Variants in TET2 observed in about 807,000 individuals in gnomAD.
TET2 encodes methylcytosine dioxygenase TET2.
Under a neutral mutation model 142.9 loss-of-function variants are expected in TET2, and 299 were observed. The ratio of observed to expected loss-of-function variants is 2.09; its 90% confidence interval spans 1.90 to 2.30. The LOEUF is 2.30. Among genes scored for constraint, TET2 ranks in the 30% most tolerant of loss-of-function variants. The pLI, the probability that TET2 is intolerant of heterozygous loss-of-function variation, is 0.00. For synonymous variants in TET2, 819 were observed against 849.0 expected, an observed-to-expected ratio of 0.96 and a Z score of 0.61; for missense variants, 2,418 against 2,378.0, an observed-to-expected ratio of 1.02 and a Z score of -0.35.
chr4:105,190,500 C>T lies in TET2; in HGVS notation c.-52C>T, dbSNP rs1030494387. 3 of 701,962 alleles carry T rather than the reference C, an allele frequency of 4.3e-6. No homozygotes were observed. The African/African-American group carries it at 5.2e-5, about 12-fold the overall frequency. 43.5% of individuals were successfully genotyped at this position (701,962 alleles called of 1,614,324 possible). On this transcript the variant is annotated 5_prime_UTR_variant, in exon 2 of 11. Coordinates refer to ENST00000380013, the MANE Select transcript of TET2 (RefSeq NM_001127208.3). The stretch of plus-strand genomic sequence containing the variant: ...CCAGGAAGAGCAGTAAGGGACTGAG[C>T]TGCTGGTAAGACAGTGGAGACAGTT...
At chr4:105,226,599 T>G (rs1728206945) in intron 2 of TET2, among the ~76,000 whole-genome samples, 1 of 151,052 alleles carries the variant, frequency 6.6e-6, no homozygotes, top group Non-Finnish European at 1.5e-5. Flanking sequence ...CCCTGTCTCC[T>G]TCCCTCCCTC....
intron 6 of TET2, among the ~76,000 whole-genome samples, chr4:105,252,350 G>A (rs772020186): frequency 2.0e-5 from 3 of 152,096 alleles, no homozygotes; most frequent in Non-Finnish European, 2.9e-5. Context: ...TGTCATGATC[G>A]TTCATTTCTT....
At chr4:105,241,519 A>G in intron 4 of TET2, 90 bp downstream of exon 4, 1 of 1,479,960 alleles carries the variant, frequency 6.8e-7, no homozygotes, top group Non-Finnish European at 8.9e-7. Flanking sequence ...AGCAGTAAAC[A>G]ATTGTAAATT....
intron 1 of TET2, among the ~76,000 whole-genome samples, chr4:105,157,464 C>T (rs1000700132): frequency 6.6e-6 from 1 of 152,138 alleles, no homozygotes; most frequent in African/African-American, 2.4e-5. Context: ...ATATTATCTA[C>T]ATAAGTTGAA....
intron 4 of TET2, 118 bp downstream of exon 4, chr4:105,241,547 C>T (rs750953157): frequency 1.4e-6 from 2 of 1,457,294 alleles, no homozygotes; most frequent in Non-Finnish European, 1.8e-6. Flanking sequence ...TATTAGTAGG[C>T]TTAGCTATTC....
At position 105,236,556 on chromosome 4, in the gene TET2, G is replaced by A. The variant is rs2110234453; in HGVS notation, c.2614G>A (p.Val872Met). 2 of 1,614,042 alleles carry A rather than the reference G, an allele frequency of 1.2e-6. No homozygotes were observed. Among genetic ancestry groups the A allele is most frequent in the Non-Finnish European group, 1.7e-6 (2 of 1,179,996 alleles). The change falls in exon 3 of 11, where the codon GTG (valine) becomes ATG (methionine). Residue 872 changes from valine (V) to methionine (M), a missense_variant. Val to Met is a conservative substitution (Grantham distance 21). Coordinates refer to ENST00000380013, the MANE Select transcript of TET2 (RefSeq NM_001127208.3). The stretch of plus-strand genomic sequence containing the variant: ...TCACATGCAATATTTTCCAAATAAT[G>A]TGATCCCAAAGCAAGATCTTCTTCA... Reference protein sequence around the residue: ...LHHMQYFPNNVIPKQDLLHRC... With the variant: ...LHHMQYFPNNMIPKQDLLHRC...
chr4:105,279,480 T>A lies in TET2; in HGVS notation c.*2961T>A, dbSNP rs1373016554. 1 of 232,614 alleles carries A rather than the reference T, an allele frequency of 4.3e-6. No homozygotes were observed. The highest frequency in any genetic ancestry group is 8.5e-6 in the Non-Finnish European group (1 of 117,744). 14.4% of individuals were successfully genotyped at this position (232,614 alleles called of 1,614,324 possible). A position where few individuals can be genotyped will look rare whatever the true frequency, so the allele number is the denominator to read the frequency against. Reference sequence around the variant, plus strand: ...GAAAATGCTTCTGAGTGGTGTCAACTTTACTTGAATGAATTTTTCATCTTG... The same window carrying A: ...GAAAATGCTTCTGAGTGGTGTCAACATTACTTGAATGAATTTTTCATCTTG... On this transcript the variant is annotated 3_prime_UTR_variant, in exon 11 of 11. Transcript: ENST00000380013.
intron 2 of TET2, among the ~76,000 whole-genome samples, chr4:105,212,928 T>C (rs1727258800): frequency 1.3e-5 from 2 of 152,134 alleles, no homozygotes; most frequent in South Asian, 4.1e-4. Flanking sequence ...AGGCGGAGGT[T>C]GCAGTGAGCT....
chr4:105,276,850 G>A lies in TET2; in HGVS notation c.*331G>A, dbSNP rs1200934786. 2.1e-5 allele frequency: 3 copies of A among 143,684 alleles called. No individual in the cohort carries two copies. The highest frequency in any genetic ancestry group is 3.7e-5 in the Non-Finnish European group (3 of 80,336). 8.9% of individuals were successfully genotyped at this position (143,684 alleles called of 1,614,324 possible). A position where few individuals can be genotyped will look rare whatever the true frequency, so the allele number is the denominator to read the frequency against. On this transcript the variant is annotated 3_prime_UTR_variant, in exon 11 of 11. Coordinates refer to ENST00000380013, the MANE Select transcript of TET2 (RefSeq NM_001127208.3). ...TATGTAAATGTGATCCCCCCCCCCCGCTTACAACTCTACACATCTGTGACC... is the reference window on the plus strand; with the variant it reads ...TATGTAAATGTGATCCCCCCCCCCCACTTACAACTCTACACATCTGTGACC...
intron 10 of TET2, among the ~76,000 whole-genome samples, chr4:105,273,139 T>A (rs952689929): frequency 6.6e-6 from 1 of 152,136 alleles, no homozygotes; most frequent in East Asian, 1.9e-4. Flanking sequence ...CCCCTACCAA[T>A]AGGCGCCAGT....
chr4:105,159,314 G>A (rs1418708119), intron 1 of TET2, among the ~76,000 whole-genome samples: 1 of 148,034 alleles, frequency 6.8e-6, no homozygotes, highest in Non-Finnish European at 1.5e-5. Context: ...GTGCAGTGGC[G>A]CCGCGATCTC....
chr4:105,238,179 C>T, intron 3 of TET2: 1 of 229,878 alleles, frequency 4.4e-6, no homozygotes, highest in Non-Finnish European at 9.4e-6. Context: ...AAAAAAATGC[C>T]AACAATTATC....
At chr4:105,186,378 G>T (rs990319802) in intron 1 of TET2, among the ~76,000 whole-genome samples, 3 of 150,660 alleles carry the variant, frequency 2.0e-5, no homozygotes, top group African/African-American at 7.4e-5. Flanking sequence ...TCATATGTTT[G>T]TTCCGTTTTA....
At chr4:105,186,478 T>C (rs865995531) in intron 1 of TET2, among the ~76,000 whole-genome samples, 2 of 144,526 alleles carry the variant, frequency 1.4e-5, no homozygotes, top group Non-Finnish European at 3.1e-5. Flanking sequence ...ATTTTCTTTT[T>C]TTTTTTTTTT....
chr4:105,151,327 C>G (rs1055642722), intron 1 of TET2, among the ~76,000 whole-genome samples: 2 of 151,970 alleles, frequency 1.3e-5, no homozygotes, highest in Non-Finnish European at 2.9e-5. Flanking sequence ...TCTCAAACAG[C>G]GACAACAACA....
chr4:105,198,977 A>G (rs887958108), intron 2 of TET2, among the ~76,000 whole-genome samples: 7 of 152,216 alleles, frequency 4.6e-5, no homozygotes, highest in Non-Finnish European at 1.0e-4. Context: ...CCAAAATTAA[A>G]TGTGTTGCAG....
At chr4:105,238,940 C>T in intron 3 of TET2, 1 of 241,832 alleles carries the variant, frequency 4.1e-6, no homozygotes, top group African/African-American at 2.2e-5. Flanking sequence ...CTCCTTAATC[C>T]ATAGGCTGCA....
intron 2 of TET2, among the ~76,000 whole-genome samples, chr4:105,213,934 A>G (rs976376300): frequency 1.3e-5 from 2 of 152,008 alleles, no homozygotes; most frequent in Non-Finnish European, 2.9e-5. Flanking sequence ...ATCTCTGCTC[A>G]CTGCAACCTC....
chr4:105,244,801 G>A (rs1729507362), intron 6 of TET2, among the ~76,000 whole-genome samples: 1 of 151,936 alleles, frequency 6.6e-6, no homozygotes, highest in Non-Finnish European at 1.5e-5. Context: ...CTCCATGTTG[G>A]TCAGGCTGGT....
Sources: allele counts gnomAD v4.1 joint callset (sites outside exome capture counted in the v4.1 genomes callset), GRCh38; gene constraint gnomAD v4.1.1; transcripts MANE v1.5; gene names NCBI Gene and HGNC (gene_info 2026-07-23, HGNC 2026-07-21).